The following PKD1 variants were observed in gnomAD, a reference collection of about 807,000 sequenced individuals.
PKD1 encodes polycystin 1, transient receptor potential channel interacting.
Under a neutral mutation model 361.7 loss-of-function variants are expected in PKD1, and 81 were observed. The observed-to-expected ratio is 0.22, with a 90% CI of 0.19 to 0.27. PKD1 has a LOEUF of 0.27. Ranked by LOEUF, PKD1 falls within the 10% of genes least tolerant of loss-of-function variation. The pLI is 1.00. For missense variants in PKD1, 6,399 were observed against 6,118.3 expected, an observed-to-expected ratio of 1.05 and a Z score of -1.53; for synonymous variants, 3,615 against 2,818.3, an observed-to-expected ratio of 1.28 and a Z score of -8.95.
intron 1 of PKD1, chr16:2,123,650 G>A (rs1355768492): frequency 2.4e-6 from 1 of 415,500 alleles, no homozygotes; most frequent in Non-Finnish European, 4.8e-6. Context: ...CTGGTTCCCT[G>A]CAAGGATGGG....
chr16:2,107,347 G>T (rs1596545394), intron 16 of PKD1: 1 of 374,986 alleles, frequency 2.7e-6, no homozygotes, highest in Non-Finnish European at 5.1e-6. Context: ...GCTGAGCTGG[G>T]ATGGAACCTG....
In PKD1 at chr16:2,100,372, G is replaced by C. The variant is rs1326652674; in HGVS notation, c.9568+24C>G. On this transcript the variant is annotated intron_variant, in intron 27 of 45. Transcript: ENST00000262304. The surrounding 1 kb of genome is among the most constrained non-coding windows in gnomAD (Gnocchi z 4.4). ...GCCCCAATGCGGGGGCAGAGGGGCA[G>C]AGCTTGGCAGGGTCCGCACAAACCT... is the stretch of plus-strand genomic sequence containing the variant. 2 of 1,611,182 alleles carry C rather than the reference G, an allele frequency of 1.2e-6. No homozygotes were observed. Among genetic ancestry groups the C allele is most frequent in the Non-Finnish European group, 8.5e-7 (1 of 1,179,710 alleles).
At chr16:2,117,189 G>A (rs1016059810) in intron 6 of PKD1, 136 bp from the exon 7 acceptor site, 3 of 642,138 alleles carry the variant, frequency 4.7e-6, no homozygotes, top group African/African-American at 3.7e-5. Flanking sequence ...GGAGACCAGG[G>A]CCCACCAGCC....
chr16:2,104,310 G>A, intron 22 of PKD1, among the ~76,000 whole-genome samples, 188 bp downstream of exon 22: 1 of 78,324 alleles, frequency 1.3e-5, no homozygotes, highest in African/African-American at 5.6e-5. Flanking sequence ...GGAGAAAAGG[G>A]ATGGTAATAG....
In PKD1 at chr16:2,090,502, G is replaced by A. The variant is rs962084505; in HGVS notation, c.12227C>T (p.Pro4076Leu). 5 of 1,611,366 alleles carry A rather than the reference G, an allele frequency of 3.1e-6. No individual in the cohort carries two copies. The highest frequency in any genetic ancestry group is 1.1e-5 in the South Asian group (1 of 91,020). ...CPGTGLSTLC[P>L]AESWHLSPLL... ...GGGTGACAGGTGCCAGGACTCGGCA[G>A]GACACAGGGTAGAGAGCCCAGTCCC... is the stretch of plus-strand genomic sequence containing the variant. The change falls in exon 45 of 46, where the codon CCT (proline) becomes CTT (leucine). Residue 4076 changes from proline (P) to leucine (L), a missense_variant. Physicochemically the swap from Pro to Leu is moderately conservative, Grantham distance 98. Transcript: ENST00000262304.
rs766462565 is a variant in PKD1, at chr16:2,091,743, G to A, written c.11537+38C>T. The A allele has an allele frequency of 8.1e-6, 13 of 1,605,420 alleles. No homozygotes were observed. The African/African-American group carries it at 1.3e-4, about 17-fold the overall frequency. On this transcript the variant is annotated intron_variant, in intron 41 of 45. Transcript: ENST00000262304. The stretch of plus-strand genomic sequence containing the variant: ...GAGGGTGGGCTCCTGGCTGGTGACT[G>A]CGGCCACCCCGGAGAGGGCAGGGGA...
intron 37 of PKD1, 85 bp downstream of exon 37, chr16:2,093,459 G>C (rs1376274406): frequency 7.8e-7 from 1 of 1,281,530 alleles, no homozygotes; most frequent in Non-Finnish European, 1.1e-6. Flanking sequence ...TGAGGAAAGG[G>C]GGACAGGAGT....
chr16:2,131,009 C>T (rs1472322489), intron 1 of PKD1, among the ~76,000 whole-genome samples: 1 of 152,216 alleles, frequency 6.6e-6, no homozygotes, highest in Non-Finnish European at 1.5e-5. Context: ...ACACCTAGGC[C>T]AGTGCCAGCC....
Position 2,102,068 on chromosome 16 carries a change from C to G in PKD1, c.9390G>C (p.Arg3130=), listed in dbSNP as rs748176068. 85 of 1,548,326 alleles carry G rather than the reference C, an allele frequency of 5.5e-5. No individual in the cohort carries two copies. The African/African-American group carries it at 1.0e-3, about 19-fold the overall frequency. The change falls in exon 26 of 46, where the codon CGG becomes CGC. Residue 3130 remains arginine (R), a synonymous_variant. Transcript: ENST00000262304. ...YEILVKTGWG[R]GSGTTAHVGI... is the part of the protein sequence containing the mutation. Reference sequence around the variant, plus strand: ...CCCCGCTGCGCCCCTCACCTGAGCCCCGGCCCCAGCCTGTCTTGACGAGGA... The same window carrying G: ...CCCCGCTGCGCCCCTCACCTGAGCCGCGGCCCCAGCCTGTCTTGACGAGGA...
Position 2,092,176 on chromosome 16 carries a change from T to C in PKD1, c.11282A>G (p.Asp3761Gly), listed in dbSNP as rs1332819604. 1 of 1,604,952 alleles carries C rather than the reference T, an allele frequency of 6.2e-7. No homozygotes were observed. Among genetic ancestry groups the C allele is most frequent in the South Asian group, 1.1e-5 (1 of 90,194 alleles). The change falls in exon 40 of 46, where the codon GAC becomes GGC. Residue 3761 changes from aspartate to glycine, a missense_variant. Asp to Gly is a moderately conservative substitution (Grantham distance 94). Transcript: ENST00000262304. ...CGTGTGGACCCTGGGGCCGGGAGGGTCTGGGTAGAGTGCTGAAACACACAG... is the reference window on the plus strand; with the variant it reads ...CGTGTGGACCCTGGGGCCGGGAGGGCCTGGGTAGAGTGCTGAAACACACAG... ...QVRLQEALYP[D>G]PPGPRVHTCS... is the part of the protein sequence containing the mutation.
intron 1 of PKD1, among the ~76,000 whole-genome samples, chr16:2,127,142 G>A (rs1277263430): frequency 2.0e-5 from 3 of 152,186 alleles, no homozygotes; most frequent in Non-Finnish European, 4.4e-5. Context: ...GCCCACCAGC[G>A]ACAGCGCACA....
At chr16:2,103,041 T>C in intron 23 of PKD1, 71 bp from the exon 24 acceptor site, 2 of 1,527,162 alleles carry the variant, frequency 1.3e-6, no homozygotes, top group Non-Finnish European at 1.8e-6. Context: ...ACGATGGCCC[T>C]CCTGAGCCCA....
Position 2,090,870 on chromosome 16 carries a change from G to C in PKD1, c.12003+14C>G, listed in dbSNP as rs779536802. 1.9e-6 allele frequency: 3 copies of C among 1,606,264 alleles called. No individual in the cohort carries two copies. The highest frequency in any genetic ancestry group is 1.7e-5 in the Admixed American group (1 of 59,932). On this transcript the variant is annotated intron_variant, in intron 43 of 45. Coordinates refer to ENST00000262304, the MANE Select transcript of PKD1 (RefSeq NM_001009944.3). ...GTGTGCGCCCAGCCCCGCGCCCACC[G>C]GCCCAGCCCTCACCTTGACCAAAAG...
rs761564193 is a variant in PKD1, at chr16:2,109,551, G to A, written c.5616C>T (p.Val1872=). The change falls in exon 15 of 46, where the codon GTC becomes GTT. Residue 1872 remains valine (V), a synonymous_variant. Coordinates refer to ENST00000262304, the MANE Select transcript of PKD1 (RefSeq NM_001009944.3). ...FSIRLNASNA[V]SWVSATYNLT... ...GGTTGTACGTGGCTGAGACCCAGCT[G>A]ACTGCGTTGGAGGCATTGAGCCGGA... The A allele has an allele frequency of 4.3e-6, 7 of 1,611,568 alleles. No individual in the cohort carries two copies. Among genetic ancestry groups the A allele is most frequent in the Non-Finnish European group, 5.9e-6 (7 of 1,179,540 alleles).
At position 2,103,602 on chromosome 16, in the gene PKD1, G is replaced by C; in HGVS notation, c.8455C>G (p.Leu2819Val). Residue 2819 changes from leucine to valine, a missense_variant, in exon 23 of 46, where the codon CTC becomes GTC. By Grantham distance (32) the Leu-to-Val change is conservative. Transcript: ENST00000262304. The stretch of plus-strand genomic sequence containing the variant: ...AAGATGAGCTGCACCACGTCACTGA[G>C]GTTGGCCAGGGCCCCGCTGAAAGCC... ...PEAFSGALAN[L>V]SDVVQLIFLV... 1 of 1,610,466 alleles carries C rather than the reference G, an allele frequency of 6.2e-7. No individual in the cohort carries two copies.
Position 2,091,691 on chromosome 16 carries a change from G to A in PKD1, c.11537+90C>T, listed in dbSNP as rs1367145528. On this transcript the variant is annotated intron_variant, in intron 41 of 45. Coordinates refer to ENST00000262304, the MANE Select transcript of PKD1 (RefSeq NM_001009944.3). ...GCGTGGCTGAGGGGCTGTGGAAGCC[G>A]CCTAGGCCAGCGGGGGCCGGAGGAG... 38 of 1,567,932 alleles carry A rather than the reference G, an allele frequency of 2.4e-5. No homozygotes were observed. In the East Asian group the frequency reaches 3.0e-4, roughly 12 times the overall value.
Position 2,097,962 on chromosome 16 carries a change from G to A in PKD1, c.10073C>T (p.Thr3358Ile), listed in dbSNP as rs758719656. 3.1e-6 allele frequency: 5 copies of A among 1,594,286 alleles called. No individual in the cohort carries two copies. Among genetic ancestry groups the A allele is most frequent in the African/African-American group, 1.3e-5 (1 of 74,708 alleles). Residue 3358 changes from threonine to isoleucine, a missense_variant, in exon 31 of 46, where the codon ACA (threonine) becomes ATA (isoleucine). Transcript: ENST00000262304. ...GTCCAGCACCTGCTGCCCGGCAGGTGTGGGGCTCGGGCTCCCAGCCACCTG... is the reference window on the plus strand; with the variant it reads ...GTCCAGCACCTGCTGCCCGGCAGGTATGGGGCTCGGGCTCCCAGCCACCTG... ...RSKVAGSPSP[T>I]PAGQQVLDID...
chr16:2,111,861 G>T lies in PKD1; in HGVS notation c.3306C>A (p.Leu1102=), dbSNP rs756444138. 1.9e-6 allele frequency: 3 copies of T among 1,610,158 alleles called. No homozygotes were observed. The African/African-American group carries it at 4.0e-5, about 22-fold the overall frequency. ...AGGCATTAGATGCCAGCACGGTCAG[G>T]AGGTACTCACCTGTGGGGACAGGCC... ...MHTYAAPGEY[L]LTVLASNAFE... The change falls in exon 15 of 46, where the codon CTC becomes CTA. Residue 1102 remains leucine (L), a synonymous_variant. Transcript: ENST00000262304.
At position 2,116,553 on chromosome 16, in the gene PKD1, G is replaced by T; in HGVS notation, c.1698C>A (p.Leu566=). 1 of 1,560,546 alleles carries T rather than the reference G, an allele frequency of 6.4e-7. No individual in the cohort carries two copies. ...PLTPLAQQDG[L]SAPHEPVEVM... Reference sequence around the variant, plus strand: ...CCTCCACGGGCTCGTGCGGGGCTGAGAGGCCGTCCTGCTGTGCCAGAGGCG... The same window carrying T: ...CCTCCACGGGCTCGTGCGGGGCTGATAGGCCGTCCTGCTGTGCCAGAGGCG... The change falls in exon 8 of 46, where the codon CTC becomes CTA. Residue 566 remains leucine, a synonymous_variant. Transcript: ENST00000262304.
Sources: allele counts gnomAD v4.1 joint callset (sites outside exome capture counted in the v4.1 genomes callset), GRCh38; gene constraint gnomAD v4.1.1; non-coding constraint Gnocchi (gnomAD v3.1); transcripts MANE v1.5; gene names NCBI Gene and HGNC (gene_info 2026-07-23, HGNC 2026-07-21).